COL17A1: variants seen among roughly 807,000 people sequenced by gnomAD.
The protein encoded by COL17A1 is collagen alpha-1(XVII) chain.
A neutral mutation model predicts 218.4 loss-of-function variants in COL17A1; 181 were observed. The ratio of observed to expected loss-of-function variants is 0.83; its 90% CI spans 0.73 to 0.94. The LOEUF is 0.94. Among genes scored for constraint, COL17A1 ranks in the 40% least tolerant of loss-of-function variants. The pLI is 0.00. For missense variants in COL17A1, 1,924 were observed against 1,945.9 expected (o/e 0.99, Z 0.21); for synonymous variants, 721 against 731.0 (o/e 0.99, Z 0.22).
chr10:104,036,049 AGTGT>A (rs796509609), intron 48 of COL17A1, among the ~76,000 whole-genome samples: 1 of 31,598 alleles, frequency 3.2e-5, no homozygotes. Flanking sequence ...TGTGTATAGG[AGTGT>A]GTGTATGGGA....
chr10:104,067,350 A>G (rs979243879), intron 9 of COL17A1, among the ~76,000 whole-genome samples: 1 of 151,202 alleles, frequency 6.6e-6, no homozygotes, highest in African/African-American at 2.4e-5. Context: ...AAAAAAAAAA[A>G]AAAAAAAATC....
chr10:104,064,638 C>A (rs2086611912), intron 9 of COL17A1, 42 bp from the exon 10 acceptor site: 3 of 1,564,342 alleles, frequency 1.9e-6, no homozygotes, highest in South Asian at 1.1e-5. Flanking sequence ...AGAGACAAAT[C>A]AACACTCCCT....
Position 104,061,454 on chromosome 10 carries a change from GT to G in COL17A1, c.929del (p.Asn310ThrfsTer9). The G allele has an allele frequency of 6.2e-7, 1 of 1,613,588 alleles. No homozygotes were observed. The highest frequency in any genetic ancestry group is 8.5e-7 in the Non-Finnish European group (1 of 1,179,852). On this transcript the variant is annotated frameshift_variant, in exon 13 of 56. Coordinates refer to ENST00000648076, the MANE Select transcript of COL17A1 (RefSeq NM_000494.4). LOFTEE classifies it high-confidence loss of function. Reference protein sequence around the residue: ...TTSTAYGVKKNMPQSPAAVNT... With the variant: ...TTSTAYGVKKXMPQSPAAVNT... ...TCACAGCCGCAGGACTCTGGGGCAT[GT>G]TTTTCTTCACCCCATATGCTGCAAG...
At chr10:104,076,010 T>A (rs937463483) in intron 5 of COL17A1, among the ~76,000 whole-genome samples, 1 of 152,270 alleles carries the variant, frequency 6.6e-6, no homozygotes, top group African/African-American at 2.4e-5. Flanking sequence ...AAGATCTATG[T>A]CTGATTCATT....
In COL17A1 at chr10:104,039,652, A is replaced by T. The variant is rs1450025908; in HGVS notation, c.2789-12T>A. The T allele has an allele frequency of 1.2e-6, 2 of 1,614,096 alleles. No individual in the cohort carries two copies. Among genetic ancestry groups the T allele is most frequent in the East Asian group, 4.5e-5 (2 of 44,868 alleles). ...GAGGCCTTGCTCGCCTGAGGAACAC[A>T]CCAAGGGAGGGACAGTCAGCCTCAC... On this transcript the variant is annotated splice_polypyrimidine_tract_variant and intron_variant, in intron 41 of 55. Coordinates refer to ENST00000648076, the MANE Select transcript of COL17A1 (RefSeq NM_000494.4).
At position 104,057,134 on chromosome 10, in the gene COL17A1, C is replaced by T. The variant is rs805697; in HGVS notation, c.1306G>A (p.Gly436Arg). ...GCGCCACCAACACCGCCACCTCCTC[C>T]ACTGCCACCACCACCACTGCTGCCG... ...SYGSSGGGGSGGGGGVGGAGG... is the reference protein window; with the variant it reads ...SYGSSGGGGSRGGGGVGGAGG... Residue 436 changes from glycine to arginine, a missense_variant, in exon 17 of 56, where the codon GGA (glycine) becomes AGA (arginine). Physicochemically the swap from Gly to Arg is moderately radical, Grantham distance 125. Transcript: ENST00000648076. The T allele has an allele frequency of 7.1e-3, 11,364 of 1,603,274 alleles. 61 individuals carry two copies. Among genetic ancestry groups the T allele is most frequent in the Non-Finnish European group, 8.7e-3 (10,306 of 1,179,744 alleles).
intron 4 of COL17A1, 144 bp from the exon 5 acceptor site, chr10:104,076,573 C>T: frequency 9.4e-7 from 1 of 1,065,688 alleles, no homozygotes; most frequent in African/African-American, 1.5e-5. Flanking sequence ...TCAGCATTCC[C>T]CCAGCTGTTC....
rs370628366 is a variant in COL17A1 at position 104,059,624 on chromosome 10, A to G, written c.1222+14T>C. On this transcript the variant is annotated intron_variant, in intron 15 of 55. Transcript: ENST00000648076. ...GCTGAAGTCAAGGTGGACAACAATC[A>G]TATTTGTTCTTACCATTAGCTTCGG... 5 of 1,612,116 alleles carry G rather than the reference A, an allele frequency of 3.1e-6. No individual in the cohort carries two copies. Among genetic ancestry groups the G allele is most frequent in the Non-Finnish European group, 3.4e-6 (4 of 1,178,244 alleles).
At chr10:104,067,334 T>TAAAAAAAAA (rs58260510) in intron 9 of COL17A1, among the ~76,000 whole-genome samples, 6 of 110,410 alleles carry the variant, frequency 5.4e-5, no homozygotes, top group Admixed American at 1.1e-4. Flanking sequence ...GGCTCAGGAA[T>TAAAAAAAAA]AAAAAAAAAA....
chr10:104,055,131 G>C, intron 19 of COL17A1, 124 bp from the exon 20 acceptor site: 5 of 1,537,846 alleles, frequency 3.3e-6, no homozygotes, highest in Non-Finnish European at 4.4e-6. Flanking sequence ...GACATGCGGC[G>C]AGTCCCTCCC....
At chr10:104,081,370 A>G (rs1259970372) in intron 1 of COL17A1, among the ~76,000 whole-genome samples, 2 of 152,328 alleles carry the variant, frequency 1.3e-5, no homozygotes, top group African/African-American at 4.8e-5. Flanking sequence ...TGTATTTTTT[A>G]TATTCTCCCT....
intron 46 of COL17A1, 33 bp downstream of exon 46, chr10:104,037,603 G>C (rs780517997): frequency 1.2e-6 from 2 of 1,613,734 alleles, no homozygotes; most frequent in South Asian, 2.2e-5. Flanking sequence ...ACAGGAGGAA[G>C]GTGCCAGGTG....
At chr10:104,042,910 T>C (rs2086374877) in intron 35 of COL17A1, among the ~76,000 whole-genome samples, 1 of 152,260 alleles carries the variant, frequency 6.6e-6, no homozygotes, top group Non-Finnish European at 1.5e-5. Context: ...TTTATTTTCT[T>C]CCAGCATTTT....
intron 18 of COL17A1, 28 bp downstream of exon 18, chr10:104,055,754 C>T: frequency 6.2e-7 from 1 of 1,612,754 alleles, no homozygotes; most frequent in African/African-American, 1.3e-5. Flanking sequence ...CTCAGGGGAG[C>T]TGGCCCTGTG....
intron 11 of COL17A1, among the ~76,000 whole-genome samples, chr10:104,063,207 T>G (rs1054140638): frequency 5.3e-5 from 8 of 152,240 alleles, no homozygotes; most frequent in Non-Finnish European, 1.2e-4. Context: ...TGTAGGCTGG[T>G]AATATTTACA....
At chr10:104,080,808 C>A in intron 1 of COL17A1, 124 bp from the exon 2 acceptor site, 2 of 1,028,714 alleles carry the variant, frequency 1.9e-6, no homozygotes, top group Non-Finnish European at 2.9e-6. Flanking sequence ...AATTCTTTCA[C>A]GTGAATATTT....
chr10:104,039,197 G>T, intron 43 of COL17A1, 76 bp from the exon 44 acceptor site: 3 of 1,438,320 alleles, frequency 2.1e-6, no homozygotes, highest in Non-Finnish European at 2.9e-6. Flanking sequence ...ACACTTATTA[G>T]TGTGTGTCTC....
At chr10:104,070,359 A>G (rs1242974770) in intron 9 of COL17A1, 67 bp downstream of exon 9, 23 of 1,606,126 alleles carry the variant, frequency 1.4e-5, no homozygotes, top group Non-Finnish European at 2.0e-5. Flanking sequence ...CTCTGAGTCC[A>G]CTCTTTGGGT....
chr10:104,054,702 T>C (rs1429734963), intron 20 of COL17A1, among the ~76,000 whole-genome samples: 2 of 152,116 alleles, frequency 1.3e-5, no homozygotes, highest in African/African-American at 4.8e-5. Flanking sequence ...CCCACATGCA[T>C]ACCCCCTGAG....
Sources: allele counts gnomAD v4.1 joint callset (sites outside exome capture counted in the v4.1 genomes callset), GRCh38; gene constraint gnomAD v4.1.1; transcripts MANE v1.5; gene names NCBI Gene and HGNC (gene_info 2026-07-23, HGNC 2026-07-21).